DLG2: variants seen among roughly 807,000 people sequenced by gnomAD.
DLG2 encodes the protein disks large homolog 2.
Under a neutral mutation model 132.5 loss-of-function variants are expected in DLG2, and 45 were observed. The ratio of observed to expected loss-of-function variants is 0.34; its 90% confidence interval spans 0.27 to 0.44. DLG2 has a LOEUF of 0.44. Among genes scored for constraint, DLG2 ranks in the 20% least tolerant of loss-of-function variants. DLG2 has a pLI of 1.00. For synonymous variants in DLG2, 424 were observed against 419.6 expected, an observed-to-expected ratio of 1.01 and a Z score of -0.13; for missense variants, 1,045 against 1,196.9, an observed-to-expected ratio of 0.87 and a Z score of 1.87.
Position 83,963,001 on chromosome 11 carries a change from G to A in DLG2, c.1224C>T (p.Asn408=). The change falls in exon 14 of 28, where the codon AAC becomes AAT. Residue 408 remains asparagine (N), a synonymous_variant. Coordinates refer to ENST00000376104, the MANE Select transcript of DLG2 (RefSeq NM_001142699.3). ...TGCCATTGTTGCCAGAGAGTAGATG[G>A]TTTTCCATTGGTGGAGAATAAGCTA... ...ITHSYSPPME[N]HLLSGNNGTL... is the part of the protein sequence containing the mutation. 1 of 1,612,922 alleles carries A rather than the reference G, an allele frequency of 6.2e-7. No homozygotes were observed. Among genetic ancestry groups the A allele is most frequent in the Non-Finnish European group, 8.5e-7 (1 of 1,179,020 alleles).
At chr11:84,991,571 G>A (rs1325834455) in intron 6 of DLG2, among the ~76,000 whole-genome samples, 1 of 151,356 alleles carries the variant, frequency 6.6e-6, no homozygotes, top group African/African-American at 2.4e-5. Flanking sequence ...AGGAGGAGGA[G>A]GAGGAGAAAA....
chr11:85,177,323 G>A (rs2079359689), intron 4 of DLG2, among the ~76,000 whole-genome samples: 3 of 150,764 alleles, frequency 2.0e-5, no homozygotes, highest in Admixed American at 1.3e-4. Context: ...ATACATACCA[G>A]GGAATACTAT....
rs762553483 is a variant in DLG2 at position 83,786,733 on chromosome 11, C to G, written c.1782G>C (p.Gly594=). Residue 594 remains glycine (G), a synonymous_variant, in exon 18 of 28, where the codon GGG becomes GGC. Transcript: ENST00000376104. ...SHEQAAAALK[G]AGQTVTIIAQ... is the part of the protein sequence containing the mutation. Reference sequence around the variant, plus strand: ...CTATAATCGTCACTGTCTGTCCAGCCCCCTTTAGTGCAGCAGCTGCCTGCT... The same window carrying G: ...CTATAATCGTCACTGTCTGTCCAGCGCCCTTTAGTGCAGCAGCTGCCTGCT... The G allele has an allele frequency of 6.2e-7, 1 of 1,613,972 alleles. No individual in the cohort carries two copies. Among genetic ancestry groups the G allele is most frequent in the African/African-American group, 1.3e-5 (1 of 74,878 alleles).
chr11:83,870,941 G>A (rs1449892472), intron 16 of DLG2, among the ~76,000 whole-genome samples: 1 of 152,158 alleles, frequency 6.6e-6, no homozygotes, highest in Non-Finnish European at 1.5e-5. Flanking sequence ...AGAATGCAAT[G>A]TAAAAGGTAC....
At chr11:84,909,277 T>C (rs1223173270) in intron 6 of DLG2, among the ~76,000 whole-genome samples, 1 of 152,220 alleles carries the variant, frequency 6.6e-6, no homozygotes, top group Non-Finnish European at 1.5e-5. Context: ...TTTCCCTTGA[T>C]CTTTAAACAG....
rs149651319 is a variant in DLG2, at chr11:83,691,476, C to A, written c.1826-58151G>T. Among the ~76,000 whole-genome samples the A allele has an allele frequency of 1.0e-3, 152 of 152,238 alleles. 1 individual carries two copies. Among genetic ancestry groups the A allele is most frequent in the South Asian group, 8.9e-3 (43 of 4,814 alleles). On this transcript the variant is annotated intron_variant, in intron 18 of 27. Coordinates refer to ENST00000376104, the MANE Select transcript of DLG2 (RefSeq NM_001142699.3). ...CTCTCAAATACACACTTGGCCCCTG[C>A]GTATGAGGCTCTGCTGTCTCTGGCT...
At chr11:85,262,984 G>A (rs554943498) in intron 4 of DLG2, among the ~76,000 whole-genome samples, 2 of 152,188 alleles carry the variant, frequency 1.3e-5, no homozygotes. Flanking sequence ...AGGAATGGAA[G>A]GGCTTTGTCC....
At chr11:85,205,149 T>C (rs2081781540) in intron 4 of DLG2, among the ~76,000 whole-genome samples, 1 of 139,002 alleles carries the variant, frequency 7.2e-6, no homozygotes, top group Non-Finnish European at 1.5e-5. Flanking sequence ...TGTGTGTGTA[T>C]ATATATATAT....
chr11:83,814,110 G>A (rs921354448), intron 17 of DLG2, among the ~76,000 whole-genome samples: 4 of 151,976 alleles, frequency 2.6e-5, no homozygotes, highest in African/African-American at 2.4e-5. Context: ...ATATTAGAAC[G>A]TATTTAAAAG....
chr11:84,972,280 T>C (rs901958596), intron 6 of DLG2, among the ~76,000 whole-genome samples: 2 of 152,162 alleles, frequency 1.3e-5, no homozygotes, highest in African/African-American at 2.4e-5. Context: ...TCTGAAGGAA[T>C]TGTTTTACAT....
At chr11:84,394,694 T>A (rs1357590833) in intron 7 of DLG2, among the ~76,000 whole-genome samples, 1 of 115,440 alleles carries the variant, frequency 8.7e-6, no homozygotes, top group Non-Finnish European at 1.6e-5. Flanking sequence ...AATGGCGTGA[T>A]CTCAGCTACC....
intron 3 of DLG2, among the ~76,000 whole-genome samples, chr11:85,444,473 T>C (rs1457877687): frequency 1.3e-5 from 2 of 152,238 alleles, no homozygotes; most frequent in Non-Finnish European, 2.9e-5. Flanking sequence ...TGGTGGAAAC[T>C]GGCTAACATT....
At chr11:83,798,977 C>A (rs1273389893) in intron 17 of DLG2, among the ~76,000 whole-genome samples, 1 of 152,098 alleles carries the variant, frequency 6.6e-6, no homozygotes, top group East Asian at 1.9e-4. Context: ...CTCTAGGGTC[C>A]CCTGTGTTGT....
intron 18 of DLG2, among the ~76,000 whole-genome samples, chr11:83,750,568 G>C (rs563130092): frequency 1.1e-4 from 17 of 152,124 alleles, no homozygotes; most frequent in South Asian, 2.1e-4. Flanking sequence ...ACTTTCATCT[G>C]TTCTACATAT....
intron 19 of DLG2, among the ~76,000 whole-genome samples, chr11:83,564,167 T>A (rs2096662756): frequency 6.6e-6 from 1 of 152,172 alleles, no homozygotes; most frequent in Non-Finnish European, 1.5e-5. Context: ...ATAATAAATT[T>A]GAAACATATG....
chr11:85,542,892 T>C (rs1380299377), intron 3 of DLG2, among the ~76,000 whole-genome samples: 1 of 152,240 alleles, frequency 6.6e-6, no homozygotes, highest in Non-Finnish European at 1.5e-5. Context: ...TATGTGTTTA[T>C]GTGTGTGTGG....
chr11:84,663,487 G>A (rs912931699), intron 6 of DLG2, among the ~76,000 whole-genome samples: 47 of 151,922 alleles, frequency 3.1e-4, no homozygotes, highest in Admixed American at 2.4e-3. Context: ...GAATCTGTGC[G>A]TCTCCAGAGT....
At chr11:84,532,097 G>A (rs1026857035) in intron 7 of DLG2, among the ~76,000 whole-genome samples, 3 of 146,952 alleles carry the variant, frequency 2.0e-5, no homozygotes, top group Admixed American at 1.4e-4. Flanking sequence ...AGCTCCCATG[G>A]TGCTTTCATT....
chr11:84,431,872 T>C (rs562258114), intron 7 of DLG2, among the ~76,000 whole-genome samples: 1 of 152,310 alleles, frequency 6.6e-6, no homozygotes, highest in Non-Finnish European at 1.5e-5. Flanking sequence ...CAATTCATGA[T>C]GTGTTATGGT....
Sources: gnomAD v4.1 joint callset for allele counts (sites outside exome capture counted in the v4.1 genomes callset) on GRCh38, gnomAD v4.1.1 for gene constraint, MANE v1.5 for transcripts, NCBI Gene and HGNC (gene_info 2026-07-23, HGNC 2026-07-21) for gene names.